SIK3: variants seen among roughly 807,000 people sequenced by gnomAD.
The protein encoded by SIK3 is SIK family kinase 3, also known as serine/threonine-protein kinase SIK3.
Under a neutral mutation model 144.2 loss-of-function variants are expected in SIK3, and 28 were observed. That is an observed-to-expected ratio of 0.19 (90% confidence interval 0.14 to 0.27). The LOEUF is 0.27. Among genes scored for constraint, SIK3 ranks in the 10% least tolerant of loss-of-function variants. The pLI is 1.00. For missense variants in SIK3, 1,319 were observed against 1,776.0 expected (o/e 0.74, Z 4.62); for synonymous variants, 686 against 676.3 (o/e 1.01, Z -0.22).
At chr11:116,910,866 C>T (rs955821961) in intron 4 of SIK3, among the ~76,000 whole-genome samples, 1 of 152,060 alleles carries the variant, frequency 6.6e-6, no homozygotes, top group Admixed American at 6.6e-5. Flanking sequence ...AGAAAGGATT[C>T]CCTGTACGTT....
chr11:116,956,972 G>A lies in SIK3; in HGVS notation c.366C>T (p.His122=), dbSNP rs774498325. Residue 122 remains histidine, a synonymous_variant, in exon 2 of 25, where the codon CAC becomes CAT. Coordinates refer to ENST00000445177, the MANE Select transcript of SIK3 (RefSeq NM_001366686.3). ...REVQIMKMLC[H]PHIIRLYQVM... Reference sequence around the variant, plus strand: ...CCTGGTAGAGCCTGATGATATGGGGGTGGCAAAGCATCTTCATAATTTGAA... The same window carrying A: ...CCTGGTAGAGCCTGATGATATGGGGATGGCAAAGCATCTTCATAATTTGAA... The A allele has an allele frequency of 1.9e-6, 3 of 1,608,324 alleles. No homozygotes were observed. The highest frequency in any genetic ancestry group is 2.7e-5 in the African/African-American group (2 of 74,698).
At chr11:116,931,366 T>C (rs1297133223) in intron 3 of SIK3, among the ~76,000 whole-genome samples, 2 of 152,204 alleles carry the variant, frequency 1.3e-5, no homozygotes, top group Non-Finnish European at 2.9e-5. Context: ...CAGAAGCCAG[T>C]CTTACCTTCC....
At chr11:117,023,645 T>TATATATATATATA (rs1951891263) in intron 1 of SIK3, among the ~76,000 whole-genome samples, 3 of 143,442 alleles carry the variant, frequency 2.1e-5, no homozygotes, top group African/African-American at 7.9e-5. Flanking sequence ...TATATATATA[T>TATATATATATATA]TGCACACTGC....
chr11:116,930,924 A>G (rs372387539), intron 3 of SIK3, among the ~76,000 whole-genome samples: 2 of 152,250 alleles, frequency 1.3e-5, no homozygotes, highest in African/African-American at 4.8e-5. Flanking sequence ...TTTGACCACA[A>G]TTTCACTCCA....
intron 1 of SIK3, among the ~76,000 whole-genome samples, chr11:117,069,592 C>T (rs1954175092): frequency 6.6e-6 from 1 of 152,164 alleles, no homozygotes; most frequent in African/African-American, 2.4e-5. Context: ...GTTTCCTTGT[C>T]TCCTGCTCTG....
chr11:116,910,182 T>G (rs933053285), intron 4 of SIK3, among the ~76,000 whole-genome samples: 11 of 152,152 alleles, frequency 7.2e-5, no homozygotes, highest in African/African-American at 1.2e-4. Flanking sequence ...AATTTAAAAA[T>G]TCATTTTTGT....
At chr11:116,998,931 ATAGT>A (rs763702816) in intron 1 of SIK3, among the ~76,000 whole-genome samples, 2 of 152,382 alleles carry the variant, frequency 1.3e-5, no homozygotes, top group Admixed American at 6.5e-5. Context: ...CTAAAAGTGT[ATAGT>A]TAGACAATTA....
At chr11:116,855,473 C>G (rs924221765) in intron 21 of SIK3, 6 of 152,262 alleles carry the variant, frequency 3.9e-5, no homozygotes, top group African/African-American at 1.4e-4. Context: ...CTCTGACAAT[C>G]AGGGGACAAT....
At chr11:116,903,644 C>T (rs1009275866) in intron 4 of SIK3, among the ~76,000 whole-genome samples, 2 of 152,170 alleles carry the variant, frequency 1.3e-5, no homozygotes, top group Non-Finnish European at 1.5e-5. Flanking sequence ...TGCAGTGGCA[C>T]AATCATAGTT....
intron 1 of SIK3, among the ~76,000 whole-genome samples, chr11:117,033,445 T>G (rs1952352468): frequency 6.6e-6 from 1 of 152,126 alleles, no homozygotes; most frequent in African/African-American, 2.4e-5. Context: ...CTCACACCTG[T>G]AATTCCAGCA....
chr11:117,002,202 C>T (rs11216222), intron 1 of SIK3, among the ~76,000 whole-genome samples: 3,268 of 152,350 alleles, frequency 0.021, 47 homozygotes, highest in Non-Finnish European at 0.035. Context: ...GCTTGTCCAA[C>T]CCAGCCTGTG....
At chr11:116,922,442 G>A (rs1438314414) in intron 4 of SIK3, among the ~76,000 whole-genome samples, 1 of 152,170 alleles carries the variant, frequency 6.6e-6, no homozygotes, top group Non-Finnish European at 1.5e-5. Context: ...AGTGAGCCAT[G>A]ATTATGCCAC....
Position 117,059,764 on chromosome 11 carries a change from CAT to C in SIK3, c.273+38377_273+38378del, listed in dbSNP as rs1381039448. 2.0e-5 allele frequency among the ~76,000 whole-genome samples: 3 copies of C among 152,300 alleles called. No homozygotes were observed. The East Asian group carries it at 5.8e-4, about 29-fold the overall frequency. On this transcript the variant is annotated intron_variant, in intron 1 of 24. Transcript: ENST00000445177. Reference sequence around the variant, plus strand: ...TAGTGTATGAAAAGATGCTAAACATCATATGTTACTAGGCTACTGCAAATTAA... The same window carrying C: ...TAGTGTATGAAAAGATGCTAAACATCATGTTACTAGGCTACTGCAAATTAA...
At chr11:116,853,483 A>ACC (rs1942627985) in intron 21 of SIK3, among the ~76,000 whole-genome samples, 2 of 152,240 alleles carry the variant, frequency 1.3e-5, no homozygotes, top group Admixed American at 6.5e-5. Context: ...GGAAAAGTGC[A>ACC]CAAATGGACA....
chr11:117,075,405 C>T (rs1164412219), intron 1 of SIK3, among the ~76,000 whole-genome samples: 2 of 152,184 alleles, frequency 1.3e-5, no homozygotes, highest in African/African-American at 2.4e-5. Context: ...ATTACCACCA[C>T]CTAAAACAAA....
intron 1 of SIK3, among the ~76,000 whole-genome samples, chr11:117,040,365 T>C (rs1021454103): frequency 1.3e-5 from 2 of 152,208 alleles, no homozygotes; most frequent in Non-Finnish European, 2.9e-5. Context: ...AAACAACAAA[T>C]GTTAGCTGAC....
chr11:117,015,341 C>A (rs763615941), intron 1 of SIK3, among the ~76,000 whole-genome samples: 18 of 152,076 alleles, frequency 1.2e-4, no homozygotes, highest in Non-Finnish European at 1.8e-4. Context: ...TAGAGAAGAT[C>A]TGAAGAAATG....
At chr11:117,005,484 A>G (rs930691936) in intron 1 of SIK3, among the ~76,000 whole-genome samples, 2 of 152,162 alleles carry the variant, frequency 1.3e-5, no homozygotes, top group East Asian at 3.8e-4. Flanking sequence ...CGTTTCTTAG[A>G]AACAGAACAG....
At chr11:116,905,159 A>G (rs1299748980) in intron 4 of SIK3, among the ~76,000 whole-genome samples, 2 of 152,236 alleles carry the variant, frequency 1.3e-5, no homozygotes. Context: ...TTCTGTCTCT[A>G]TGAGACTTGT....
Sources: gnomAD v4.1 joint callset for allele counts (sites outside exome capture counted in the v4.1 genomes callset) on GRCh38, gnomAD v4.1.1 for gene constraint, MANE v1.5 for transcripts, NCBI Gene and HGNC (gene_info 2026-07-23, HGNC 2026-07-21) for gene names.